The following FRMD4B variants were observed in gnomAD, a reference collection of about 807,000 sequenced individuals.
FRMD4B encodes the protein FERM domain containing 4B.
Under a neutral mutation model 141.5 loss-of-function variants are expected in FRMD4B, and 74 were observed. The ratio of observed to expected loss-of-function variants is 0.52; its 90% CI spans 0.43 to 0.63. The LOEUF (loss-of-function observed/expected upper bound fraction) is 0.63. FRMD4B is among the 30% of genes least tolerant of loss of function. The pLI, the probability that FRMD4B is intolerant of heterozygous loss-of-function variation, is 0.00. For missense variants in FRMD4B, 1,366 were observed against 1,253.4 expected, an observed-to-expected ratio of 1.09 and a Z score of -1.36; for synonymous variants, 506 against 467.9, an observed-to-expected ratio of 1.08 and a Z score of -1.05.
intron 2 of FRMD4B, among the ~76,000 whole-genome samples, chr3:69,400,488 A>G (rs956308399): frequency 2.0e-5 from 3 of 152,174 alleles, no homozygotes; most frequent in African/African-American, 7.2e-5. Flanking sequence ...GCATTTTCCA[A>G]GGAAGAAGCC....
intron 1 of FRMD4B, among the ~76,000 whole-genome samples, chr3:69,381,513 G>A (rs1704118594): frequency 6.6e-6 from 1 of 152,122 alleles, no homozygotes; most frequent in Non-Finnish European, 1.5e-5. Flanking sequence ...CAAGAAAAAT[G>A]ACACCTTTTT....
intron 1 of FRMD4B, among the ~76,000 whole-genome samples, chr3:69,463,684 C>G (rs1705737060): frequency 6.6e-6 from 1 of 152,174 alleles, no homozygotes; most frequent in South Asian, 2.1e-4. Flanking sequence ...GCCTCCAAGT[C>G]TTATGCTCTT....
At chr3:69,243,762 T>C (rs756579403) in intron 7 of FRMD4B, among the ~76,000 whole-genome samples, 4 of 152,124 alleles carry the variant, frequency 2.6e-5, no homozygotes, top group Non-Finnish European at 5.9e-5. Flanking sequence ...AATAATGCTG[T>C]AGGCCAGGTA....
chr3:69,519,997 CAT>C (rs71618288), intron 1 of FRMD4B, among the ~76,000 whole-genome samples: 6,056 of 88,248 alleles, frequency 0.069, 284 homozygotes, highest in Non-Finnish European at 0.083. Flanking sequence ...AGTAGTATTC[CAT>C]ATATATATAT....
chr3:69,335,095 G>A (rs1052734649), intron 1 of FRMD4B, among the ~76,000 whole-genome samples: 9 of 152,194 alleles, frequency 5.9e-5, no homozygotes, highest in African/African-American at 2.2e-4. Context: ...GCTGCAGTGA[G>A]CTATGAGTTA....
intron 11 of FRMD4B, among the ~76,000 whole-genome samples, chr3:69,211,700 C>A (rs1487977847): frequency 6.6e-6 from 1 of 152,176 alleles, no homozygotes; most frequent in African/African-American, 2.4e-5. Context: ...AGAGGCTGAG[C>A]ACCTTAAGGC....
chr3:69,345,217 G>A (rs1411821284), intron 1 of FRMD4B, among the ~76,000 whole-genome samples: 1 of 152,254 alleles, frequency 6.6e-6, no homozygotes, highest in Admixed American at 6.5e-5. Flanking sequence ...AGGGTCCCAT[G>A]CCCACGGAGC....
chr3:69,211,578 A>G (rs1177303935), intron 11 of FRMD4B, among the ~76,000 whole-genome samples: 1 of 152,208 alleles, frequency 6.6e-6, no homozygotes, highest in Non-Finnish European at 1.5e-5. Flanking sequence ...CTCCTTTTCA[A>G]AACAGCCTTT....
chr3:69,362,539 C>A (rs1703498979), intron 1 of FRMD4B, among the ~76,000 whole-genome samples: 1 of 152,036 alleles, frequency 6.6e-6, no homozygotes, highest in South Asian at 2.1e-4. Context: ...TAGCTGGGCA[C>A]GGTGGCGCAT....
At chr3:69,398,212 GTT>G (rs1270006548) in intron 2 of FRMD4B, among the ~76,000 whole-genome samples, 1 of 151,954 alleles carries the variant, frequency 6.6e-6, no homozygotes, top group Admixed American at 6.6e-5. Context: ...GGTGGAGGAG[GTT>G]TTTCTTTCTG....
chr3:69,409,328 A>G (rs1704713958), intron 2 of FRMD4B, among the ~76,000 whole-genome samples: 1 of 152,152 alleles, frequency 6.6e-6, no homozygotes, highest in African/African-American at 2.4e-5. Context: ...ACAAGAATTC[A>G]TTTCAATTGG....
At chr3:69,375,203 TCATCCATCCACCCCATCC>T (rs1559836676) in intron 1 of FRMD4B, among the ~76,000 whole-genome samples, 1 of 137,466 alleles carries the variant, frequency 7.3e-6, no homozygotes, top group East Asian at 2.1e-4. Flanking sequence ...ATCCATCCAT[TCATCCATCCACCCCATCC>T]CATCCATCCA....
rs902972396 is a variant in FRMD4B at position 69,180,896 on chromosome 3, C to T, written c.2851+3G>A. On this transcript the variant is annotated splice_donor_region_variant and intron_variant, in intron 21 of 22. Coordinates refer to ENST00000398540, the MANE Select transcript of FRMD4B (RefSeq NM_015123.3). ...GTGTTGCGTGTTTTTACAGTATTCTCACCTGAAGAGTACGAGGATGCACGA... is the reference window on the plus strand; with the variant it reads ...GTGTTGCGTGTTTTTACAGTATTCTTACCTGAAGAGTACGAGGATGCACGA... 11 of 1,579,044 alleles carry T rather than the reference C, an allele frequency of 7.0e-6. No individual in the cohort carries two copies. The African/African-American group carries it at 1.1e-4, about 15-fold the overall frequency.
chr3:69,535,267 CTT>C (rs1701067391), intron 1 of FRMD4B, among the ~76,000 whole-genome samples: 1 of 152,306 alleles, frequency 6.6e-6, no homozygotes. Context: ...AACATGCAGA[CTT>C]TGCCAACTCA....
At chr3:69,418,582 G>A (rs1411433432) in intron 2 of FRMD4B, among the ~76,000 whole-genome samples, 1 of 152,212 alleles carries the variant, frequency 6.6e-6, no homozygotes, top group African/African-American at 2.4e-5. Context: ...AAAATTCCAT[G>A]TTGTTGGCAT....
chr3:69,354,110 G>C (rs1231654487), intron 1 of FRMD4B, among the ~76,000 whole-genome samples: 2 of 152,132 alleles, frequency 1.3e-5, no homozygotes, highest in African/African-American at 4.8e-5. Context: ...TTTCCACTCA[G>C]AAAGAAACTT....
chr3:69,385,877 G>A lies in FRMD4B; in HGVS notation c.113C>T (p.Ala38Val). 1.3e-6 allele frequency: 2 copies of A among 1,599,734 alleles called. No homozygotes were observed. The highest frequency in any genetic ancestry group is 1.7e-5 in the Admixed American group (1 of 58,216). The change falls in exon 1 of 23, where the codon GCT becomes GTT. Residue 38 changes from alanine to valine, a missense_variant. By Grantham distance (64) the Ala-to-Val change is moderately conservative (BLOSUM62 0). Transcript: ENST00000398540. ...LRRWYTERLR[A>V]CHQVLRTWCG... is the part of the protein sequence containing the mutation. ...CCACGTCCGCAGCACCTGGTGGCAAGCCCGCAGCCTCTCCGTGTACCATCT... is the reference window on the plus strand; with the variant it reads ...CCACGTCCGCAGCACCTGGTGGCAAACCCGCAGCCTCTCCGTGTACCATCT...
intron 1 of FRMD4B, among the ~76,000 whole-genome samples, chr3:69,523,467 T>C (rs527951940): frequency 9.8e-5 from 15 of 152,300 alleles, no homozygotes; most frequent in Admixed American, 5.9e-4. Context: ...ACCCTCCCTC[T>C]TCTATTCTGA....
At chr3:69,192,088 T>C (rs932316021) in intron 17 of FRMD4B, among the ~76,000 whole-genome samples, 1 of 152,144 alleles carries the variant, frequency 6.6e-6, no homozygotes, top group African/African-American at 2.4e-5. Context: ...TCTAGTGTGT[T>C]AAGAACTAAC....
Sources: allele counts gnomAD v4.1 joint callset (sites outside exome capture counted in the v4.1 genomes callset), GRCh38; gene constraint gnomAD v4.1.1; transcripts MANE v1.5; gene names NCBI Gene and HGNC (gene_info 2026-07-23, HGNC 2026-07-21).